DACH2: variants seen among roughly 807,000 people sequenced by gnomAD.
The protein encoded by DACH2 is dachshund family transcription factor 2, also known as dachshund homolog 2.
In DACH2, 17 loss-of-function variants were observed where a neutral mutation model predicts 35.8. The ratio of observed to expected loss-of-function variants is 0.48; its 90% CI spans 0.33 to 0.71. The LOEUF (loss-of-function observed/expected upper bound fraction) is 0.71. Ranked by LOEUF, DACH2 falls within the 30% of genes least tolerant of loss-of-function variation. DACH2 has a pLI of 0.02. For missense variants in DACH2, 469 were observed against 472.7 expected, an observed-to-expected ratio of 0.99 and a Z score of 0.07; for synonymous variants, 195 against 177.3, an observed-to-expected ratio of 1.10 and a Z score of -0.79.
Position 86,814,725 on chromosome X carries a change from CA to C in DACH2, c.1577del (p.Lys526ArgfsTer32). The C allele has an allele frequency of 8.3e-7, 1 of 1,210,706 alleles. No individual in the cohort carries two copies. The highest frequency in any genetic ancestry group is 1.1e-6 in the Non-Finnish European group (1 of 895,020). On this transcript the variant is annotated frameshift_variant, in exon 10 of 12. Coordinates refer to ENST00000373125, the MANE Select transcript of DACH2 (RefSeq NM_053281.3). LOFTEE classifies it high-confidence loss of function. ...QKRLKKEKKT[K>X]RKLQEALEFE... Reference sequence around the variant, plus strand: ...AGCGCCTGAAGAAGGAGAAAAAAACCAAGAGAAAATTGCAGGAAGCCTTGGA... The same window carrying C: ...AGCGCCTGAAGAAGGAGAAAAAAACCAGAGAAAATTGCAGGAAGCCTTGGA...
chrX:86,378,875 G>T (rs183880038), intron 2 of DACH2, among the ~76,000 whole-genome samples: 1 of 111,062 alleles, frequency 9.0e-6, no homozygotes, highest in African/African-American at 3.3e-5. Flanking sequence ...GTGGTTATGC[G>T]CTTTGTGGGT....
Position 86,503,271 on chromosome X carries a change from G to A in DACH2, c.528-11008G>A, listed in dbSNP as rs1175887393. ...CACATTTACTGACAGTAAAACTACGGTTTTACAATTTGAGCTGTATCGGGA... is the reference window on the plus strand; with the variant it reads ...CACATTTACTGACAGTAAAACTACGATTTTACAATTTGAGCTGTATCGGGA... On this transcript the variant is annotated intron_variant, in intron 2 of 11. Transcript: ENST00000373125. Among the ~76,000 whole-genome samples the A allele has an allele frequency of 2.7e-5, 3 of 111,737 alleles. 1 individual carries two copies. Among genetic ancestry groups the A allele is most frequent in the Non-Finnish European group, 5.6e-5 (3 of 53,106 alleles).
chrX:86,542,239 A>G (rs1364547910), intron 3 of DACH2, among the ~76,000 whole-genome samples: 1 of 111,456 alleles, frequency 9.0e-6, no homozygotes, highest in Non-Finnish European at 1.9e-5. Context: ...TGTCCCCACC[A>G]TAACTCATGT....
chrX:86,199,720 A>T (rs1602277303), intron 1 of DACH2, among the ~76,000 whole-genome samples: 1 of 111,777 alleles, frequency 8.9e-6, no homozygotes, highest in Non-Finnish European at 1.9e-5. Context: ...AGTAAATAGG[A>T]GTAAATACAG....
intron 1 of DACH2, among the ~76,000 whole-genome samples, chrX:86,301,931 C>T (rs989697419): frequency 2.3e-4 from 25 of 111,082 alleles, no homozygotes; most frequent in African/African-American, 7.5e-4. Flanking sequence ...TTCTCTTCTG[C>T]TGTTTTACAA....
intron 3 of DACH2, among the ~76,000 whole-genome samples, chrX:86,556,795 T>TATATATATAGAGAG (rs1232719385): frequency 1.6e-4 from 4 of 25,290 alleles, no homozygotes; most frequent in East Asian, 1.7e-3. Flanking sequence ...TATATATATA[T>TATATATATAGAGAG]AGAGAGAGAG....
At chrX:86,186,092 A>G (rs891331059) in intron 1 of DACH2, among the ~76,000 whole-genome samples, 7 of 112,806 alleles carry the variant, frequency 6.2e-5, no homozygotes, top group African/African-American at 2.2e-4. Flanking sequence ...ATTCTCTGAC[A>G]CCAAACTGAT....
chrX:86,359,608 G>C (rs757819540), intron 1 of DACH2, among the ~76,000 whole-genome samples: 1 of 110,886 alleles, frequency 9.0e-6, no homozygotes, highest in East Asian at 2.9e-4. Context: ...AATTAACTGC[G>C]TACAGTGGTG....
chrX:86,536,964 C>G (rs2038810716), intron 3 of DACH2, among the ~76,000 whole-genome samples: 1 of 111,401 alleles, frequency 9.0e-6, no homozygotes, highest in Non-Finnish European at 1.9e-5. Flanking sequence ...GATGGCCTCA[C>G]TCCCACAGTT....
At chrX:86,531,873 A>C (rs1047571826) in intron 3 of DACH2, among the ~76,000 whole-genome samples, 1 of 112,821 alleles carries the variant, frequency 8.9e-6, no homozygotes, top group African/African-American at 3.2e-5. Flanking sequence ...CTTGAAAGCA[A>C]CTGCTCAGGC....
At chrX:86,574,046 C>T (rs886520884) in intron 3 of DACH2, among the ~76,000 whole-genome samples, 13 of 111,498 alleles carry the variant, frequency 1.2e-4, no homozygotes, top group Admixed American at 1.9e-4. Flanking sequence ...TCTAAATGAC[C>T]GAAGTGTTTA....
intron 2 of DACH2, among the ~76,000 whole-genome samples, chrX:86,493,572 A>G (rs2038124596): frequency 9.0e-6 from 1 of 111,317 alleles, no homozygotes; most frequent in African/African-American, 3.3e-5. Context: ...TCTCTCATGT[A>G]TATGTTTGTG....
chrX:86,290,508 C>A (rs2034260565), intron 1 of DACH2, among the ~76,000 whole-genome samples: 1 of 96,810 alleles, frequency 1.0e-5, no homozygotes, highest in African/African-American at 4.0e-5. Context: ...ATGCCTATGT[C>A]CTGAATGGTA....
At chrX:86,237,761 C>T (rs1250224286) in intron 1 of DACH2, among the ~76,000 whole-genome samples, 1 of 111,702 alleles carries the variant, frequency 9.0e-6, no homozygotes, top group Non-Finnish European at 1.9e-5. Context: ...GTGGGTAGCT[C>T]CAGGCACTGG....
At chrX:86,519,176 C>A (rs990639204) in intron 3 of DACH2, among the ~76,000 whole-genome samples, 5 of 111,918 alleles carry the variant, frequency 4.5e-5, no homozygotes, top group African/African-American at 1.6e-4. Flanking sequence ...GTCTTTAGTT[C>A]TGTTTATGTC....
chrX:86,183,653 C>T (rs1465745297), intron 1 of DACH2, among the ~76,000 whole-genome samples: 1 of 111,417 alleles, frequency 9.0e-6, no homozygotes, highest in Non-Finnish European at 1.9e-5. Flanking sequence ...TGTTGTGTCT[C>T]TGCCGGGTTT....
intron 3 of DACH2, among the ~76,000 whole-genome samples, chrX:86,584,569 C>G (rs763780247): frequency 9.0e-6 from 1 of 111,102 alleles, no homozygotes; most frequent in African/African-American, 3.3e-5. Context: ...AATCACCTTT[C>G]TTTTATAATA....
chrX:86,463,906 C>G (rs181788791), intron 2 of DACH2, among the ~76,000 whole-genome samples: 21 of 111,435 alleles, frequency 1.9e-4, no homozygotes, highest in East Asian at 1.7e-3. Flanking sequence ...ATGCGGCCAA[C>G]AAACACGAAA....
chrX:86,281,561 G>C (rs2034028672), intron 1 of DACH2, among the ~76,000 whole-genome samples: 1 of 111,528 alleles, frequency 9.0e-6, no homozygotes, highest in Admixed American at 9.5e-5. Context: ...ATGGGCAAAA[G>C]CTGGAATCCT....
Sources: gnomAD v4.1 joint callset for allele counts (sites outside exome capture counted in the v4.1 genomes callset) on GRCh38, gnomAD v4.1.1 for gene constraint, MANE v1.5 for transcripts, NCBI Gene and HGNC (gene_info 2026-07-23, HGNC 2026-07-21) for gene names.